RLIG1: variants seen among roughly 807,000 people sequenced by gnomAD.
The protein encoded by RLIG1 is RNA ligase 1.
the RLIG1 span, chr12:88,048,180 G>C: frequency 7.5e-7 from 1 of 1,339,500 alleles, no homozygotes. Context: ...ATATTTCTAA[G>C]TGAATGAAGA....
At chr12:88,041,597 T>C in the RLIG1 span, 1 of 152,238 alleles carries the variant, frequency 6.6e-6, no homozygotes, top group Non-Finnish European at 1.5e-5. Context: ...TGCTTTTTTC[T>C]GTTTGGATTT....
At chr12:88,044,687 A>C in the RLIG1 span, 3 of 152,246 alleles carry the variant, frequency 2.0e-5, no homozygotes, top group Non-Finnish European at 2.9e-5. Flanking sequence ...ATCTGTACTG[A>C]AGCTTAAGGA....
At chr12:88,046,775 G>A in the RLIG1 span, 1 of 1,570,998 alleles carries the variant, frequency 6.4e-7, no homozygotes, top group African/African-American at 1.4e-5. Flanking sequence ...TCCTTTAAAT[G>A]AATATGGCTA....
the RLIG1 span, chr12:88,043,568 C>T: frequency 2.0e-5 from 29 of 1,433,958 alleles, 2 homozygotes; most frequent in Middle Eastern, 3.8e-3. Context: ...AGTATCACCA[C>T]ATACAATATT....
At chr12:88,035,624 A>G in the RLIG1 span, 1 of 1,585,690 alleles carries the variant, frequency 6.3e-7, no homozygotes, top group Non-Finnish European at 8.6e-7. Flanking sequence ...CACGCCCTCC[A>G]TTCGCACTGC....
chr12:88,046,343 A>T, the RLIG1 span, among the ~76,000 whole-genome samples: 1 of 152,142 alleles, frequency 6.6e-6, no homozygotes, highest in South Asian at 2.1e-4. Flanking sequence ...GATGGTAGTT[A>T]GACAAGTTAT....
the RLIG1 span, chr12:88,045,545 G>A: frequency 8.1e-6 from 12 of 1,480,632 alleles, no homozygotes; most frequent in East Asian, 4.8e-5. Flanking sequence ...AAAGAAAAAC[G>A]ATCTAATAAC....
chr12:88,035,793 G>T, the RLIG1 span: 1 of 1,554,224 alleles, frequency 6.4e-7, no homozygotes, highest in Non-Finnish European at 8.7e-7. Context: ...TCCCCGCGGC[G>T]CTGGCTCAGT....
chr12:88,045,516 T>G, the RLIG1 span: 1 of 1,116,522 alleles, frequency 9.0e-7, no homozygotes, highest in Admixed American at 2.7e-5. Context: ...AAAATATAAA[T>G]TACCTGTAGT....
chr12:88,045,444 C>T, the RLIG1 span: 1 of 652,782 alleles, frequency 1.5e-6, no homozygotes, highest in Non-Finnish European at 2.6e-6. Flanking sequence ...AACTTTCCCA[C>T]TGAATTTTAA....
At chr12:88,045,562 T>C in the RLIG1 span, 1 of 1,566,974 alleles carries the variant, frequency 6.4e-7, no homozygotes, top group Non-Finnish European at 8.7e-7. Flanking sequence ...TAACAAATAA[T>C]TTTCTTCTTT....
the RLIG1 span, among the ~76,000 whole-genome samples, chr12:88,037,577 C>G: frequency 1.3e-5 from 2 of 152,198 alleles, no homozygotes; most frequent in African/African-American, 4.8e-5. Flanking sequence ...CCCTGTGGCT[C>G]TACCACCCTG....
chr12:88,049,118 TTTCCAAGTATATTTAACTTATA>T, the RLIG1 span: 3 of 938,980 alleles, frequency 3.2e-6, no homozygotes, highest in African/African-American at 1.7e-5. Flanking sequence ...GAACTGCTTA[TTTCCAAGTATATTTAACTTATA>T]AAGTTAATAA....
chr12:88,038,713 T>C, the RLIG1 span, among the ~76,000 whole-genome samples: 1 of 152,184 alleles, frequency 6.6e-6, no homozygotes, highest in South Asian at 2.1e-4. Flanking sequence ...TTTATGATGA[T>C]ACATCTGAAG....
At chr12:88,046,335 T>G in the RLIG1 span, among the ~76,000 whole-genome samples, 1 of 152,066 alleles carries the variant, frequency 6.6e-6, no homozygotes, top group African/African-American at 2.4e-5. Context: ...GAAGCTAAGA[T>G]GGTAGTTAGA....
chr12:88,048,777 C>T, the RLIG1 span: 5 of 192,690 alleles, frequency 2.6e-5, no homozygotes, highest in East Asian at 2.9e-4. Flanking sequence ...ACAAAACATA[C>T]GGCTCAACCT....
At chr12:88,049,870 T>G in the RLIG1 span, 1 of 157,568 alleles carries the variant, frequency 6.3e-6, no homozygotes, top group East Asian at 1.9e-4. Context: ...CAGGGAAACC[T>G]TTGGGACTTC....
chr12:88,050,091 C>A, the RLIG1 span: 1 of 267,576 alleles, frequency 3.7e-6, no homozygotes, highest in Non-Finnish European at 6.9e-6. Context: ...CCAATGTGAC[C>A]CAAAACTTAA....
At chr12:88,047,309 T>C in the RLIG1 span, among the ~76,000 whole-genome samples, 2 of 152,120 alleles carry the variant, frequency 1.3e-5, no homozygotes, top group Non-Finnish European at 2.9e-5. Context: ...GTAGAATCTG[T>C]TGAGTAAAAA....
Sources: gnomAD v4.1 joint callset for allele counts (sites outside exome capture counted in the v4.1 genomes callset) on GRCh38, gnomAD v4.1.1 for gene constraint, MANE v1.5 for transcripts, NCBI Gene and HGNC (gene_info 2026-07-23, HGNC 2026-07-21) for gene names.